The following C12orf42 variants were observed in gnomAD, a reference collection of about 807,000 sequenced individuals.
The protein encoded by C12orf42 is uncharacterized protein C12orf42.
In C12orf42, 25 loss-of-function variants were observed where a neutral mutation model predicts 21.6. That is an observed-to-expected ratio of 1.16 (90% CI 0.84 to 1.62). The LOEUF is 1.62. C12orf42 is among the 40% of genes most tolerant of loss of function. C12orf42 has a pLI of 0.00. For missense variants in C12orf42, 483 were observed against 459.3 expected, an observed-to-expected ratio of 1.05 and a Z score of -0.47; for synonymous variants, 174 against 175.0, an observed-to-expected ratio of 0.99 and a Z score of 0.05.
chr12:103,219,590 A>G, the C12orf42 span, among the ~76,000 whole-genome samples: 7 of 152,236 alleles, frequency 4.6e-5, no homozygotes, highest in African/African-American at 1.7e-4. Context: ...CCCATCAAAA[A>G]GTGGGCAAAG....
At chr12:103,067,843 A>G in the C12orf42 span, among the ~76,000 whole-genome samples, 1 of 152,118 alleles carries the variant, frequency 6.6e-6, no homozygotes, top group Non-Finnish European at 1.5e-5. Context: ...GTGGTGATTG[A>G]CCCAGACTAT....
intron 1 of C12orf42, among the ~76,000 whole-genome samples, chr12:103,485,207 A>G (rs1482253048): frequency 1.3e-5 from 2 of 152,096 alleles, no homozygotes; most frequent in Non-Finnish European, 2.9e-5. Context: ...CAGTTTTCCC[A>G]GCACCATTTA....
chr12:103,535,106 C>T, the C12orf42 span, among the ~76,000 whole-genome samples: 4 of 152,116 alleles, frequency 2.6e-5, no homozygotes, highest in African/African-American at 4.8e-5. Flanking sequence ...AGCCTTGTGT[C>T]CTCTGCCAGA....
the C12orf42 span, among the ~76,000 whole-genome samples, chr12:103,094,950 C>A: frequency 3.3e-5 from 5 of 152,280 alleles, no homozygotes; most frequent in Admixed American, 6.5e-5. Context: ...CTATGGACTG[C>A]ATAAAATCAA....
At chr12:103,286,626 A>C (rs1049380155) in intron 4 of C12orf42, among the ~76,000 whole-genome samples, 1 of 151,676 alleles carries the variant, frequency 6.6e-6, no homozygotes, top group Non-Finnish European at 1.5e-5. Context: ...TTATTTTGCA[A>C]TAGAGAGGAA....
chr12:103,499,467 G>C (rs146615423), upstream of C12orf42, among the ~76,000 whole-genome samples: 256 of 152,324 alleles, frequency 1.7e-3, 1 homozygote, highest in African/African-American at 5.8e-3. Flanking sequence ...AGGGGCATCT[G>C]TATTTAAGGA....
chr12:103,471,383 C>T (rs1418163562), intron 2 of C12orf42, among the ~76,000 whole-genome samples: 1 of 152,180 alleles, frequency 6.6e-6, no homozygotes, highest in Non-Finnish European at 1.5e-5. Context: ...ATAATTCGTA[C>T]CCACATCTCT....
the C12orf42 span, among the ~76,000 whole-genome samples, chr12:103,207,431 A>C: frequency 6.6e-6 from 1 of 152,220 alleles, no homozygotes; most frequent in African/African-American, 2.4e-5. Flanking sequence ...TTTGTAGTTT[A>C]AAATGCGTGC....
chr12:103,087,122 C>T, the C12orf42 span, among the ~76,000 whole-genome samples: 1 of 151,940 alleles, frequency 6.6e-6, no homozygotes, highest in African/African-American at 2.4e-5. Flanking sequence ...TCAGTAGGTA[C>T]ACGTGCAGGT....
At chr12:103,276,909 T>C (rs2035805212) in intron 5 of C12orf42, among the ~76,000 whole-genome samples, 1 of 152,200 alleles carries the variant, frequency 6.6e-6, no homozygotes, top group Non-Finnish European at 1.5e-5. Context: ...TAGGTCAATT[T>C]GGTGATGATA....
chr12:103,412,222 G>A (rs1267420273), intron 2 of C12orf42, among the ~76,000 whole-genome samples: 1 of 152,190 alleles, frequency 6.6e-6, no homozygotes, highest in Non-Finnish European at 1.5e-5. Flanking sequence ...GAACTGAAAT[G>A]AGAAATATAT....
intron 3 of C12orf42, among the ~76,000 whole-genome samples, chr12:103,384,177 T>G (rs1262058621): frequency 2.0e-5 from 3 of 152,212 alleles, no homozygotes; most frequent in Admixed American, 1.3e-4. Context: ...ATAGCAGCTA[T>G]GTAAGCACTG....
intron 3 of C12orf42, among the ~76,000 whole-genome samples, chr12:103,390,662 T>C (rs2046996479): frequency 6.6e-6 from 1 of 152,224 alleles, no homozygotes; most frequent in South Asian, 2.1e-4. Context: ...GCCAGTGGTA[T>C]AGTTTCAGTT....
At chr12:103,286,616 T>C (rs2036477089) in intron 4 of C12orf42, among the ~76,000 whole-genome samples, 6 of 151,698 alleles carry the variant, frequency 4.0e-5, no homozygotes, top group Admixed American at 3.9e-4. Flanking sequence ...ATTATTACTA[T>C]TATTTTGCAA....
At chr12:103,249,000 T>C (rs2034146938) in intron 10 of C12orf42, among the ~76,000 whole-genome samples, 1 of 152,034 alleles carries the variant, frequency 6.6e-6, no homozygotes, top group South Asian at 2.1e-4. Context: ...TGGTCCACAG[T>C]TTAGTGGGTA....
At chr12:103,306,460 T>G in intron 4 of C12orf42, 115 bp from the exon 5 acceptor site, 6 of 1,265,908 alleles carry the variant, frequency 4.7e-6, no homozygotes, top group Non-Finnish European at 6.4e-6. Context: ...GTGTTTCTAC[T>G]GTGAGTAAAC....
At chr12:103,133,023 G>T in the C12orf42 span, among the ~76,000 whole-genome samples, 1 of 152,258 alleles carries the variant, frequency 6.6e-6, no homozygotes, top group East Asian at 1.9e-4. Flanking sequence ...GTCTGACTGG[G>T]CTGGCTTTGC....
the C12orf42 span, among the ~76,000 whole-genome samples, chr12:103,515,341 G>C: frequency 1.3e-5 from 2 of 152,186 alleles, no homozygotes; most frequent in Non-Finnish European, 2.9e-5. Flanking sequence ...CAAAGCAGGA[G>C]ATCCTTAGGG....
the C12orf42 span, among the ~76,000 whole-genome samples, chr12:103,186,490 A>T: frequency 6.6e-6 from 1 of 152,206 alleles, no homozygotes; most frequent in Admixed American, 6.5e-5. Flanking sequence ...CATTATGTTT[A>T]AAAGCCTAAG....
Sources: allele counts gnomAD v4.1 joint callset (sites outside exome capture counted in the v4.1 genomes callset), GRCh38; gene constraint gnomAD v4.1.1; transcripts MANE v1.5; gene names NCBI Gene and HGNC (gene_info 2026-07-23, HGNC 2026-07-21).